Variants in ADIPOR2 observed in about 807,000 individuals in gnomAD.
The protein encoded by ADIPOR2 is adiponectin receptor protein 2.
A neutral mutation model predicts 40.9 loss-of-function variants in ADIPOR2; 18 were observed. That is an observed-to-expected ratio of 0.44 (90% confidence interval 0.30 to 0.65). ADIPOR2 has a LOEUF of 0.65. ADIPOR2 is among the 30% of genes least tolerant of loss of function. The probability of loss-of-function intolerance (pLI) is 0.09; values close to 1 mark genes in which losing one functional copy is unlikely to be tolerated. For synonymous variants in ADIPOR2, 165 were observed against 166.4 expected, an observed-to-expected ratio of 0.99 and a Z score of 0.06; for missense variants, 283 against 479.2, an observed-to-expected ratio of 0.59 and a Z score of 3.82.
At chr12:1,744,518 G>T (rs1012290574) in intron 1 of ADIPOR2, among the ~76,000 whole-genome samples, 1 of 151,720 alleles carries the variant, frequency 6.6e-6, no homozygotes, top group African/African-American at 2.4e-5. Context: ...GTATTTTTTT[G>T]TAGAGATGGG....
Position 1,742,994 on chromosome 12 carries a change from G to T in ADIPOR2, c.-86-11264G>T, listed in dbSNP as rs528502004. The stretch of plus-strand genomic sequence containing the variant: ...GAAGAGTTGGGAGTTGCTGGGTTTA[G>T]TTATGCTACTCTCTTTTTAAGGGAG... On this transcript the variant is annotated intron_variant, in intron 1 of 7. Transcript: ENST00000357103. 2.8e-4 allele frequency among the ~76,000 whole-genome samples: 42 copies of T among 152,194 alleles called. No individual in the cohort carries two copies. In the South Asian group the frequency reaches 8.3e-3, roughly 30 times the overall value.
At chr12:1,784,432 A>G (rs145046806) in intron 7 of ADIPOR2, among the ~76,000 whole-genome samples, 10 of 152,366 alleles carry the variant, frequency 6.6e-5, no homozygotes, top group Non-Finnish European at 1.2e-4. Flanking sequence ...TAGAACAGGA[A>G]TTTGAATTAG....
intron 3 of ADIPOR2, among the ~76,000 whole-genome samples, chr12:1,774,445 G>C (rs1244615192): frequency 6.6e-6 from 1 of 152,214 alleles, no homozygotes; most frequent in Non-Finnish European, 1.5e-5. Flanking sequence ...GTGTTGTCTG[G>C]TGTGGCTCAA....
At chr12:1,708,900 A>C (rs2094669621) in intron 1 of ADIPOR2, among the ~76,000 whole-genome samples, 1 of 151,888 alleles carries the variant, frequency 6.6e-6, no homozygotes, top group Non-Finnish European at 1.5e-5. Flanking sequence ...TTGTATTTTT[A>C]GTAGAGATGG....
At chr12:1,746,540 A>AT (rs1396510325) in intron 1 of ADIPOR2, among the ~76,000 whole-genome samples, 4 of 152,194 alleles carry the variant, frequency 2.6e-5, no homozygotes, top group African/African-American at 9.6e-5. Flanking sequence ...AAGGAAGAGC[A>AT]TTAAATAGAA....
chr12:1,723,213 C>T (rs924852165), intron 1 of ADIPOR2, among the ~76,000 whole-genome samples: 17 of 152,098 alleles, frequency 1.1e-4, no homozygotes, highest in African/African-American at 2.4e-4. Context: ...GCATATGAAT[C>T]GAACATGGAT....
intron 2 of ADIPOR2, among the ~76,000 whole-genome samples, chr12:1,757,063 T>C (rs1862148900): frequency 6.6e-6 from 1 of 152,220 alleles, no homozygotes; most frequent in African/African-American, 2.4e-5. Flanking sequence ...CTCTGTTTCT[T>C]AACTATTTTT....
rs1407281947 is a variant in ADIPOR2 at position 1,777,377 on chromosome 12, TC to T, written c.292-476del. On this transcript the variant is annotated intron_variant, in intron 3 of 7. Coordinates refer to ENST00000357103, the MANE Select transcript of ADIPOR2 (RefSeq NM_024551.3). ...GGCCCCCACTTAAAAGTATATTTTT[TC>T]TTTCTTTTTTTTTTTTTTTTTTTTT... is the stretch of plus-strand genomic sequence containing the variant. Among the ~76,000 whole-genome samples the T allele has an allele frequency of 2.8e-3, 306 of 111,048 alleles. 3 individuals carry two copies. Among genetic ancestry groups the T allele is most frequent in the Non-Finnish European group, 5.0e-3 (231 of 45,996 alleles). The allele number at this position is 111,048 out of a possible 152,430, so 72.9% of individuals were successfully genotyped here. A position where few individuals can be genotyped will look rare whatever the true frequency, so the allele number is the denominator to read the frequency against.
At chr12:1,693,862 A>G (rs12229061) in intron 1 of ADIPOR2, among the ~76,000 whole-genome samples, 2 of 152,062 alleles carry the variant, frequency 1.3e-5, no homozygotes, top group African/African-American at 4.8e-5. Context: ...GAAGTATTTC[A>G]TTATTTGTAT....
intron 1 of ADIPOR2, among the ~76,000 whole-genome samples, chr12:1,725,909 A>G (rs1004528886): frequency 3.9e-5 from 6 of 152,202 alleles, no homozygotes; most frequent in African/African-American, 7.2e-5. Context: ...CATTCACTCA[A>G]GAAATCTTCA....
chr12:1,727,162 T>C (rs2094709585), intron 1 of ADIPOR2, among the ~76,000 whole-genome samples: 1 of 152,240 alleles, frequency 6.6e-6, no homozygotes, highest in African/African-American at 2.4e-5. Context: ...CTGTAAAACC[T>C]TCACCATTTC....
chr12:1,730,685 T>TCTA (rs1349586657), intron 1 of ADIPOR2: 1 of 151,800 alleles, frequency 6.6e-6, no homozygotes, highest in Non-Finnish European at 1.5e-5. Context: ...AAACCAGCTC[T>TCTA]CTATATTGTT....
At chr12:1,751,453 T>C (rs1210012579) in intron 1 of ADIPOR2, among the ~76,000 whole-genome samples, 1 of 152,182 alleles carries the variant, frequency 6.6e-6, no homozygotes, top group Non-Finnish European at 1.5e-5. Flanking sequence ...TGTCATTTGA[T>C]TTCTTCTTCT....
At chr12:1,785,866 A>G (rs1862819288) in intron 7 of ADIPOR2, 78 bp from the exon 8 acceptor site, 2 of 1,556,058 alleles carry the variant, frequency 1.3e-6, no homozygotes, top group East Asian at 2.2e-5. Flanking sequence ...AACCAGGATT[A>G]AACGATCCTA....
At chr12:1,726,064 A>G (rs566329099) in intron 1 of ADIPOR2, among the ~76,000 whole-genome samples, 2 of 152,220 alleles carry the variant, frequency 1.3e-5, no homozygotes, top group African/African-American at 4.8e-5. Context: ...AGAAGTGTCA[A>G]TTAAGTTTAA....
At chr12:1,707,919 T>C (rs1256768184) in intron 1 of ADIPOR2, among the ~76,000 whole-genome samples, 2 of 152,226 alleles carry the variant, frequency 1.3e-5, no homozygotes, top group Non-Finnish European at 2.9e-5. Flanking sequence ...ACAAGTTCTT[T>C]ATATGTTGTG....
Position 1,754,296 on chromosome 12 carries a change from G to T in ADIPOR2, c.-48G>T. 6.7e-7 allele frequency: 1 copy of T among 1,500,418 alleles called. No individual in the cohort carries two copies. Among genetic ancestry groups the T allele is most frequent in the South Asian group, 1.4e-5 (1 of 69,562 alleles). 92.9% of individuals were successfully genotyped at this position (1,500,418 alleles called of 1,614,324 possible). On this transcript the variant is annotated 5_prime_UTR_variant, in exon 2 of 8. Coordinates refer to ENST00000357103, the MANE Select transcript of ADIPOR2 (RefSeq NM_024551.3). ...TCCTGAAGGTCCATTCTCCCAAGAA[G>T]AGGGGACAGAAAGACAGATCTATTT...
At chr12:1,738,857 G>T (rs2094736725) in intron 1 of ADIPOR2, among the ~76,000 whole-genome samples, 1 of 152,090 alleles carries the variant, frequency 6.6e-6, no homozygotes. Flanking sequence ...AAGAACAAAG[G>T]AATATTTTTC....
chr12:1,777,276 G>A (rs1365668691), intron 3 of ADIPOR2, among the ~76,000 whole-genome samples: 1 of 151,866 alleles, frequency 6.6e-6, no homozygotes, highest in Non-Finnish European at 1.5e-5. Context: ...CCCACCATTA[G>A]CCAGGTTGAA....
Sources: allele counts gnomAD v4.1 joint callset (sites outside exome capture counted in the v4.1 genomes callset), GRCh38; gene constraint gnomAD v4.1.1; transcripts MANE v1.5; gene names NCBI Gene and HGNC (gene_info 2026-07-23, HGNC 2026-07-21).